The following TESK2 variants were observed in gnomAD, a reference collection of about 807,000 sequenced individuals.
TESK2 encodes the protein dual specificity testis-specific protein kinase 2.
TESK2 carries 39 observed loss-of-function variants against 57.1 expected under a neutral mutation model. The ratio of observed to expected loss-of-function variants is 0.68; its 90% confidence interval spans 0.53 to 0.89. The LOEUF (loss-of-function observed/expected upper bound fraction) is 0.89. TESK2 is among the 40% of genes least tolerant of loss of function. The pLI is 0.00. For synonymous variants in TESK2, 249 were observed against 267.9 expected, an observed-to-expected ratio of 0.93 and a Z score of 0.69; for missense variants, 646 against 732.1, an observed-to-expected ratio of 0.88 and a Z score of 1.36.
intron 5 of TESK2, among the ~76,000 whole-genome samples, chr1:45,350,609 C>T (rs1171295801): frequency 1.3e-5 from 2 of 152,208 alleles, no homozygotes; most frequent in African/African-American, 4.8e-5. Flanking sequence ...CTAAATGCCT[C>T]AGGGACTGTT....
intron 2 of TESK2, among the ~76,000 whole-genome samples, chr1:45,423,951 G>A (rs1175657620): frequency 1.3e-5 from 2 of 152,186 alleles, no homozygotes; most frequent in Non-Finnish European, 2.9e-5. Context: ...ATTCAAAGAA[G>A]CTAAACTGAG....
At position 45,421,837 on chromosome 1, in the gene TESK2, G is replaced by C. The variant is rs199634022; in HGVS notation, c.232C>G (p.Arg78Gly). 6.2e-7 allele frequency: 1 copy of C among 1,613,918 alleles called. No individual in the cohort carries two copies. Among genetic ancestry groups the C allele is most frequent in the Admixed American group, 1.7e-5 (1 of 59,998 alleles). Residue 78 changes from arginine to glycine, a missense_variant, in exon 3 of 11, where the codon CGA becomes GGA. Physicochemically the swap from Arg to Gly is moderately radical, Grantham distance 125. Coordinates refer to ENST00000372086, the MANE Select transcript of TESK2 (RefSeq NM_007170.3). Reference sequence around the variant, plus strand: ...AGAGCCATCACCTGACCAGAAGCTCGGTGTCGTACCTAGAATATTAAATAG... The same window carrying C: ...AGAGCCATCACCTGACCAGAAGCTCCGTGTCGTACCTAGAATATTAAATAG... ...FFSEVFKVRH[R>G]ASGQVMALKM...
intron 3 of TESK2, chr1:45,398,863 C>T (rs1649466216): frequency 2.4e-6 from 1 of 408,858 alleles, no homozygotes; most frequent in Non-Finnish European, 4.7e-6. Flanking sequence ...CTATTTTCCA[C>T]AGCTTCTTCC....
intron 10 of TESK2, 119 bp from the exon 11 acceptor site, chr1:45,345,677 T>C: frequency 9.5e-7 from 1 of 1,053,402 alleles, no homozygotes; most frequent in Non-Finnish European, 1.4e-6. Context: ...GTTTTACCAA[T>C]GAAGAAACAG....
intron 2 of TESK2, among the ~76,000 whole-genome samples, chr1:45,439,033 C>G (rs1178376384): frequency 1.3e-5 from 2 of 152,050 alleles, no homozygotes; most frequent in Non-Finnish European, 2.9e-5. Context: ...GTAGAAGCAC[C>G]AGCATTTTGA....
chr1:45,350,066 C>T (rs771928041), intron 5 of TESK2, among the ~76,000 whole-genome samples: 10 of 152,210 alleles, frequency 6.6e-5, no homozygotes, highest in Non-Finnish European at 1.5e-4. Flanking sequence ...CACTTGAATC[C>T]GGGAGGCAGA....
intron 3 of TESK2, among the ~76,000 whole-genome samples, chr1:45,389,392 G>A (rs1649046429): frequency 6.6e-6 from 1 of 152,122 alleles, no homozygotes; most frequent in Non-Finnish European, 1.5e-5. Flanking sequence ...AAGCCTGGGT[G>A]ACAGCGTGAG....
At chr1:45,432,129 G>T (rs1377523558) in intron 2 of TESK2, among the ~76,000 whole-genome samples, 1 of 151,726 alleles carries the variant, frequency 6.6e-6, no homozygotes, top group African/African-American at 2.4e-5. Flanking sequence ...CATGTCTGTG[G>T]TCCCAGATAC....
At chr1:45,369,126 T>C (rs184440317) in intron 4 of TESK2, among the ~76,000 whole-genome samples, 2 of 152,336 alleles carry the variant, frequency 1.3e-5, no homozygotes, top group African/African-American at 2.4e-5. Context: ...ATCCAAGCCT[T>C]GTGACCTAAA....
intron 4 of TESK2, among the ~76,000 whole-genome samples, chr1:45,374,498 A>G (rs187611534): frequency 3.3e-5 from 5 of 152,294 alleles, no homozygotes; most frequent in Non-Finnish European, 5.9e-5. Flanking sequence ...CTAATTAAAT[A>G]ATATATTGAG....
At chr1:45,419,268 G>T (rs72894312) in intron 3 of TESK2, among the ~76,000 whole-genome samples, 1 of 151,992 alleles carries the variant, frequency 6.6e-6, no homozygotes, top group Non-Finnish European at 1.5e-5. Flanking sequence ...GAGCCGTCAC[G>T]CCCAGACTTC....
At chr1:45,390,450 C>A (rs957433815) in intron 3 of TESK2, among the ~76,000 whole-genome samples, 12 of 151,240 alleles carry the variant, frequency 7.9e-5, no homozygotes, top group African/African-American at 2.5e-4. Flanking sequence ...GGCAACAGAG[C>A]GAGACTCTGT....
chr1:45,479,778 TA>T (rs568776248), intron 1 of TESK2, among the ~76,000 whole-genome samples: 1 of 150,378 alleles, frequency 6.6e-6, no homozygotes, highest in Admixed American at 6.7e-5. Context: ...TCGGATAGAT[TA>T]AAAAAATAAA....
chr1:45,391,749 C>T (rs1649155446), intron 3 of TESK2, among the ~76,000 whole-genome samples: 1 of 152,132 alleles, frequency 6.6e-6, no homozygotes, highest in South Asian at 2.1e-4. Context: ...TCTCTTCTCT[C>T]TCTCTTTTGT....
chr1:45,448,841 A>G (rs1651750775), intron 2 of TESK2, among the ~76,000 whole-genome samples: 1 of 152,208 alleles, frequency 6.6e-6, no homozygotes, highest in Admixed American at 6.6e-5. Flanking sequence ...ACTACTATAT[A>G]CCACTTAGAA....
At chr1:45,360,554 G>A (rs1395693925) in intron 4 of TESK2, among the ~76,000 whole-genome samples, 3 of 152,160 alleles carry the variant, frequency 2.0e-5, no homozygotes, top group African/African-American at 7.2e-5. Flanking sequence ...AGAGGGTGGA[G>A]AGCACAGGAA....
chr1:45,487,156 GC>G (rs1653519797), intron 1 of TESK2, among the ~76,000 whole-genome samples: 2 of 152,072 alleles, frequency 1.3e-5, no homozygotes, highest in African/African-American at 4.8e-5. Flanking sequence ...CAGAATCAAA[GC>G]CCATCATATG....
chr1:45,399,661 G>C (rs1377455628), intron 3 of TESK2, among the ~76,000 whole-genome samples: 2 of 151,972 alleles, frequency 1.3e-5, no homozygotes, highest in Non-Finnish European at 2.9e-5. Flanking sequence ...TGTTACCCAG[G>C]CTGGTCTTGA....
chr1:45,385,696 A>ATGTG lies in TESK2; in HGVS notation c.393+212_393+215dup, dbSNP rs199702121. ...ACATGTACCCCAGAACTTAAAGTGTATGTGTGTGTGTGTGTATATATATAT... is the reference window on the plus strand; with the variant it reads ...ACATGTACCCCAGAACTTAAAGTGTATGTGTGTGTGTGTGTGTGTATATATATAT... On this transcript the variant is annotated intron_variant, in intron 4 of 10. Transcript: ENST00000372086. 4.2e-5 allele frequency among the ~76,000 whole-genome samples: 6 copies of ATGTG among 141,800 alleles called. No individual in the cohort carries two copies. The South Asian group carries it at 6.7e-4, about 16-fold the overall frequency. 93.0% of individuals were successfully genotyped at this position (141,800 alleles called of 152,430 possible).
Sources: allele counts gnomAD v4.1 joint callset (sites outside exome capture counted in the v4.1 genomes callset), GRCh38; gene constraint gnomAD v4.1.1; transcripts MANE v1.5; gene names NCBI Gene and HGNC (gene_info 2026-07-23, HGNC 2026-07-21).